PRKN: variants seen among roughly 807,000 people sequenced by gnomAD.
PRKN encodes the protein E3 ubiquitin-protein ligase parkin.
Under a neutral mutation model 59.5 loss-of-function variants are expected in PRKN, and 56 were observed. That is an observed-to-expected ratio of 0.94 (90% CI 0.76 to 1.18). The LOEUF (loss-of-function observed/expected upper bound fraction) is 1.18. Among genes scored for constraint, PRKN ranks in the 50% most tolerant of loss-of-function variants. The pLI is 0.00. For missense variants in PRKN, 657 were observed against 596.4 expected (o/e 1.10, Z -1.06); for synonymous variants, 250 against 222.1 (o/e 1.13, Z -1.12).
intron 6 of PRKN, among the ~76,000 whole-genome samples, chr6:161,932,782 A>G (rs1191193810): frequency 1.3e-5 from 2 of 152,256 alleles, no homozygotes; most frequent in Non-Finnish European, 2.9e-5. Context: ...TTACAACTAT[A>G]CTAGCAGAAA....
chr6:161,877,760 G>A (rs908659324), intron 6 of PRKN, among the ~76,000 whole-genome samples: 2 of 151,944 alleles, frequency 1.3e-5, no homozygotes, highest in Non-Finnish European at 2.9e-5. Context: ...GAGCCACCAC[G>A]CCCGGCCCAT....
At chr6:161,622,463 C>T (rs1243137418) in intron 7 of PRKN, among the ~76,000 whole-genome samples, 4 of 152,154 alleles carry the variant, frequency 2.6e-5, no homozygotes, top group South Asian at 2.1e-4. Flanking sequence ...CTACCTGAAG[C>T]CACTGTGCTC....
rs189137619 is a variant in PRKN, at chr6:162,265,602, A to G, written c.172-2837T>C. Among the ~76,000 whole-genome samples, 335 of 152,230 alleles carry G rather than the reference A, an allele frequency of 2.2e-3. 3 individuals are homozygous for G. The highest frequency in any genetic ancestry group is 3.4e-3 in the Middle Eastern group (1 of 294). ...GCTACTCAAGAGGCTGAGGCAGGAGAATCACTTAAACCCAGGAGGCGAAGG... is the reference window on the plus strand; with the variant it reads ...GCTACTCAAGAGGCTGAGGCAGGAGGATCACTTAAACCCAGGAGGCGAAGG... On this transcript the variant is annotated intron_variant, in intron 2 of 11. Coordinates refer to ENST00000366898, the MANE Select transcript of PRKN (RefSeq NM_004562.3).
intron 4 of PRKN, among the ~76,000 whole-genome samples, chr6:162,198,119 A>G (rs866751434): frequency 1.3e-5 from 2 of 152,328 alleles, no homozygotes; most frequent in Middle Eastern, 6.8e-3. Flanking sequence ...ACTTCAGAGA[A>G]GGGTCAATGA....
intron 7 of PRKN, among the ~76,000 whole-genome samples, chr6:161,634,680 C>T (rs909212018): frequency 2.6e-5 from 4 of 152,034 alleles, no homozygotes; most frequent in Non-Finnish European, 5.9e-5. Flanking sequence ...AGAGAAGAGC[C>T]GTGGAATTTA....
intron 2 of PRKN, among the ~76,000 whole-genome samples, chr6:162,438,026 A>G (rs547196913): frequency 1.1e-3 from 170 of 152,254 alleles, no homozygotes; most frequent in African/African-American, 4.0e-3. Context: ...TGGTTCTACC[A>G]TTTTATATTC....
rs1781083828 is a variant in PRKN, at chr6:161,575,183, A to T, written c.872-5767T>A. ...AAATGAATAAGACAATTTGTTAAAA[A>T]GCATATAAACACAGGATTGAATCTT... On this transcript the variant is annotated intron_variant, in intron 7 of 11. Transcript: ENST00000366898. This position sits in a 1 kb window ranked among gnomAD's most constrained non-coding sequence, Gnocchi z 4.6. 6.6e-6 allele frequency among the ~76,000 whole-genome samples: 1 copy of T among 152,250 alleles called. No homozygotes were observed. The highest frequency in any genetic ancestry group is 2.1e-4 in the South Asian group (1 of 4,836).
chr6:161,962,289 A>T (rs1457798346), intron 6 of PRKN, among the ~76,000 whole-genome samples: 2 of 152,236 alleles, frequency 1.3e-5, no homozygotes, highest in Non-Finnish European at 2.9e-5. Flanking sequence ...TGAAGATATG[A>T]ACTGGCACAA....
chr6:161,444,205 G>C lies in PRKN; in HGVS notation c.1084-57328C>G, dbSNP rs1247582215. ...GACCCATCCCAGGGCAGCTTCATGG[G>C]ATGGGCCTGGCTGAGTGAGCTTCCT... On this transcript the variant is annotated intron_variant, in intron 9 of 11. Coordinates refer to ENST00000366898, the MANE Select transcript of PRKN (RefSeq NM_004562.3). This position sits in a 1 kb window ranked among gnomAD's most constrained non-coding sequence, Gnocchi z 5.6. 2.0e-5 allele frequency among the ~76,000 whole-genome samples: 3 copies of C among 152,212 alleles called. No homozygotes were observed. Among genetic ancestry groups the C allele is most frequent in the African/African-American group, 7.2e-5 (3 of 41,464 alleles).
intron 1 of PRKN, among the ~76,000 whole-genome samples, chr6:162,548,118 G>A (rs1779189681): frequency 6.6e-6 from 1 of 152,012 alleles, no homozygotes; most frequent in Admixed American, 6.5e-5. Flanking sequence ...CGTGTGCAGT[G>A]GCGCAATTTT....
At chr6:161,832,928 A>G (rs1040437894) in intron 6 of PRKN, among the ~76,000 whole-genome samples, 6 of 151,940 alleles carry the variant, frequency 3.9e-5, no homozygotes, top group African/African-American at 4.8e-5. Flanking sequence ...TGTCTGGCTG[A>G]GGGTGGGAGG....
intron 1 of PRKN, among the ~76,000 whole-genome samples, chr6:162,674,097 T>C (rs966924981): frequency 6.6e-6 from 1 of 152,240 alleles, no homozygotes; most frequent in African/African-American, 2.4e-5. Flanking sequence ...GCTCAATGTA[T>C]GCCAAATCTG....
chr6:161,813,031 G>T (rs1791623657), intron 6 of PRKN, among the ~76,000 whole-genome samples: 1 of 152,170 alleles, frequency 6.6e-6, no homozygotes, highest in Admixed American at 6.5e-5. Context: ...AAGTTTTCAG[G>T]CAGGAAGTAA....
At chr6:162,319,667 G>A (rs1782904170) in intron 2 of PRKN, among the ~76,000 whole-genome samples, 1 of 151,884 alleles carries the variant, frequency 6.6e-6, no homozygotes, top group Non-Finnish European at 1.5e-5. Context: ...ATAGGCTTGG[G>A]ATGCTTACAC....
At chr6:162,244,092 G>C (rs1263036183) in intron 3 of PRKN, among the ~76,000 whole-genome samples, 2 of 152,094 alleles carry the variant, frequency 1.3e-5, no homozygotes, top group Non-Finnish European at 2.9e-5. Flanking sequence ...CTAACAAGCA[G>C]AATGTAAACA....
Position 161,457,681 on chromosome 6 carries a change from A to G in PRKN, c.1084-70804T>C, listed in dbSNP as rs934131560. 2.0e-5 allele frequency among the ~76,000 whole-genome samples: 3 copies of G among 152,230 alleles called. No homozygotes were observed. Among genetic ancestry groups the G allele is most frequent in the African/African-American group, 7.2e-5 (3 of 41,470 alleles). ...AGGTCAGAAAGCAAAATCAAGGAATATGAAAATCTACTGTTAGGTACAAAC... is the reference window on the plus strand; with the variant it reads ...AGGTCAGAAAGCAAAATCAAGGAATGTGAAAATCTACTGTTAGGTACAAAC... On this transcript the variant is annotated intron_variant, in intron 9 of 11. Coordinates refer to ENST00000366898, the MANE Select transcript of PRKN (RefSeq NM_004562.3). The surrounding 1 kb of genome is among the most constrained non-coding windows in gnomAD (Gnocchi z 5.0).
At chr6:162,207,042 C>T (rs934608213) in intron 3 of PRKN, among the ~76,000 whole-genome samples, 38 of 152,118 alleles carry the variant, frequency 2.5e-4, no homozygotes, top group African/African-American at 8.0e-4. Flanking sequence ...CTTCCTGAAT[C>T]ACCTCTTCTA....
intron 6 of PRKN, among the ~76,000 whole-genome samples, chr6:161,934,068 G>A (rs978729437): frequency 5.9e-5 from 9 of 152,200 alleles, no homozygotes; most frequent in Non-Finnish European, 1.0e-4. Context: ...CCCAGGTAAC[G>A]AGAGAGACCA....
At position 161,483,099 on chromosome 6, in the gene PRKN, C is replaced by T. The variant is rs1353121262; in HGVS notation, c.1083+65755G>A. On this transcript the variant is annotated intron_variant, in intron 9 of 11. Transcript: ENST00000366898. The surrounding 1 kb of genome is among the most constrained non-coding windows in gnomAD (Gnocchi z 5.0). ...TATGCTAGGGAGAAGATGCAAGGGACTTCTCAGCAATTTCTCTCTATGTGT... is the reference window on the plus strand; with the variant it reads ...TATGCTAGGGAGAAGATGCAAGGGATTTCTCAGCAATTTCTCTCTATGTGT... 2.7e-5 allele frequency among the ~76,000 whole-genome samples: 4 copies of T among 150,628 alleles called. No homozygotes were observed. Among genetic ancestry groups the T allele is most frequent in the Non-Finnish European group, 4.4e-5 (3 of 67,928 alleles).
Sources: gnomAD v4.1 joint callset for allele counts (sites outside exome capture counted in the v4.1 genomes callset) on GRCh38, gnomAD v4.1.1 for gene constraint, Gnocchi (gnomAD v3.1) non-coding constraint, MANE v1.5 for transcripts, NCBI Gene and HGNC (gene_info 2026-07-23, HGNC 2026-07-21) for gene names.